Variants in RBM6 observed in about 807,000 individuals in gnomAD.
RBM6 encodes RNA binding motif protein 6, also known as RNA-binding protein 6.
A neutral mutation model predicts 140.4 loss-of-function variants in RBM6; 23 were observed. The ratio of observed to expected loss-of-function variants is 0.16; its 90% confidence interval spans 0.12 to 0.23. RBM6 has a LOEUF of 0.23. Among genes scored for constraint, RBM6 ranks in the 10% least tolerant of loss-of-function variants. The pLI is 1.00. For missense variants in RBM6, 1,139 were observed against 1,386.7 expected (o/e 0.82, Z 2.84); for synonymous variants, 439 against 475.6 (o/e 0.92, Z 1.00).
At chr3:49,952,845 G>C (rs1013365407) in intron 1 of RBM6, among the ~76,000 whole-genome samples, 13 of 151,992 alleles carry the variant, frequency 8.6e-5, no homozygotes, top group African/African-American at 2.9e-4. Flanking sequence ...ATATATTTTA[G>C]ATACAAGTCA....
At chr3:50,055,659 A>G (rs1181334292) in intron 8 of RBM6, among the ~76,000 whole-genome samples, 1 of 152,198 alleles carries the variant, frequency 6.6e-6, no homozygotes, top group African/African-American at 2.4e-5. Flanking sequence ...TCCCACTCCT[A>G]CTTCTTTGAA....
intron 6 of RBM6, among the ~76,000 whole-genome samples, chr3:50,029,946 C>G (rs2088054398): frequency 6.6e-6 from 1 of 150,958 alleles, no homozygotes; most frequent in Non-Finnish European, 1.5e-5. Flanking sequence ...GGAAGGATCT[C>G]TTGAACCCAA....
intron 5 of RBM6, among the ~76,000 whole-genome samples, chr3:49,984,636 GCATCGCATCGCATCGCA>G (rs2085475207): frequency 1.6e-5 from 1 of 61,060 alleles, no homozygotes; most frequent in Non-Finnish European, 5.9e-5. Context: ...GCATCGCATC[GCATCGCATCGCATCGCA>G]TCGCATCGCA....
chr3:50,047,304 CT>C (rs2089268721), intron 6 of RBM6: 1 of 985,230 alleles, frequency 1.0e-6, no homozygotes, highest in Non-Finnish European at 1.2e-6. Context: ...AGCGCAGGGG[CT>C]AGTTCCAGAG....
At chr3:49,987,101 C>G (rs1357186712) in intron 5 of RBM6, among the ~76,000 whole-genome samples, 5 of 151,420 alleles carry the variant, frequency 3.3e-5, no homozygotes, top group African/African-American at 9.7e-5. Flanking sequence ...GGGACAGAGT[C>G]TCTCTCTGTC....
chr3:50,049,625 T>C (rs564830364), intron 7 of RBM6, among the ~76,000 whole-genome samples: 26 of 152,292 alleles, frequency 1.7e-4, no homozygotes, highest in Non-Finnish European at 2.8e-4. Context: ...TTAGTCTCGG[T>C]AGAATACAAC....
intron 1 of RBM6, among the ~76,000 whole-genome samples, chr3:49,949,519 A>G (rs2083640184): frequency 6.6e-6 from 1 of 152,044 alleles, no homozygotes; most frequent in South Asian, 2.1e-4. Context: ...CAGCCTCCCG[A>G]GTAGCTGGGA....
intron 1 of RBM6, among the ~76,000 whole-genome samples, chr3:49,952,786 C>T (rs2083797750): frequency 6.6e-6 from 1 of 152,198 alleles, no homozygotes; most frequent in African/African-American, 2.4e-5. Flanking sequence ...GCGTGTGCCA[C>T]TGCTCCTGGC....
intron 5 of RBM6, among the ~76,000 whole-genome samples, chr3:49,985,276 C>G (rs1404401617): frequency 6.6e-6 from 1 of 152,180 alleles, no homozygotes; most frequent in South Asian, 2.1e-4. Flanking sequence ...TATACAATTA[C>G]CTTAAATGAG....
At chr3:50,041,239 A>C (rs1372919008) in intron 6 of RBM6, among the ~76,000 whole-genome samples, 1 of 152,166 alleles carries the variant, frequency 6.6e-6, no homozygotes, top group African/African-American at 2.4e-5. Context: ...TTGTGTTTTC[A>C]CTGGAAGTCC....
intron 20 of RBM6, among the ~76,000 whole-genome samples, 200 bp from the exon 21 acceptor site, chr3:50,076,808 C>T (rs1193196343): frequency 1.3e-5 from 2 of 151,772 alleles, no homozygotes; most frequent in Admixed American, 1.3e-4. Flanking sequence ...TTGCTTGAAC[C>T]GGGGAGGCAG....
At chr3:49,992,728 A>T (rs1206694741) in intron 5 of RBM6, among the ~76,000 whole-genome samples, 2 of 152,180 alleles carry the variant, frequency 1.3e-5, no homozygotes, top group African/African-American at 2.4e-5. Context: ...ATATTATGCT[A>T]GGTTTAGGGA....
At chr3:49,950,257 A>C (rs2083676849) in intron 1 of RBM6, among the ~76,000 whole-genome samples, 1 of 152,098 alleles carries the variant, frequency 6.6e-6, no homozygotes, top group Non-Finnish European at 1.5e-5. Flanking sequence ...AAGAGTGTTT[A>C]AAGCAGGATC....
At chr3:50,027,119 G>A (rs1164653462) in intron 6 of RBM6, among the ~76,000 whole-genome samples, 3 of 152,064 alleles carry the variant, frequency 2.0e-5, no homozygotes, top group Non-Finnish European at 4.4e-5. Context: ...GATGTGATAA[G>A]GAGGATGAGT....
chr3:49,973,705 C>A (rs1158361633), intron 4 of RBM6, among the ~76,000 whole-genome samples: 1 of 149,902 alleles, frequency 6.7e-6, no homozygotes, highest in Admixed American at 6.7e-5. Flanking sequence ...CCTGCCTCAG[C>A]CTCCCAAGTA....
Position 49,954,269 on chromosome 3 carries a change from C to G in RBM6, c.-66-8307C>G, listed in dbSNP as rs557128235. ...CCTGGCCAACATGGTGAAACCCCGT[C>G]TCCACTAAAAAAATACAAAAATTAG... On this transcript the variant is annotated intron_variant, in intron 1 of 20. Coordinates refer to ENST00000266022, the MANE Select transcript of RBM6 (RefSeq NM_005777.3). 3.3e-5 allele frequency among the ~76,000 whole-genome samples: 5 copies of G among 151,902 alleles called. 1 individual carries two copies. The highest frequency in any genetic ancestry group is 2.0e-4 in the Admixed American group (3 of 15,226).
At chr3:50,053,616 C>T (rs1246261323) in intron 7 of RBM6, among the ~76,000 whole-genome samples, 1 of 152,122 alleles carries the variant, frequency 6.6e-6, no homozygotes, top group Admixed American at 6.6e-5. Flanking sequence ...TTTACTCGCC[C>T]TATAAGGCCC....
chr3:50,047,321 T>C (rs1200428828), intron 6 of RBM6: 1 of 985,294 alleles, frequency 1.0e-6, no homozygotes, highest in African/African-American at 1.7e-5. Context: ...CAGAGTCGCA[T>C]TCTCGGTTAG....
rs140810124 is a variant in RBM6 at position 50,011,258 on chromosome 3, G to T, written c.1557+11745G>T. The stretch of plus-strand genomic sequence containing the variant: ...GGCATGAAGAATTTTTTTGCTAATG[G>T]TATCTACTTACCACAGAGGAACATT... On this transcript the variant is annotated intron_variant, in intron 6 of 20. Transcript: ENST00000266022. Among the ~76,000 whole-genome samples, 713 of 151,848 alleles carry T rather than the reference G, an allele frequency of 4.7e-3. 9 individuals are homozygous for T. The highest frequency in any genetic ancestry group is 0.016 in the African/African-American group (650 of 41,418).
Sources: gnomAD v4.1 joint callset for allele counts (sites outside exome capture counted in the v4.1 genomes callset) on GRCh38, gnomAD v4.1.1 for gene constraint, MANE v1.5 for transcripts, NCBI Gene and HGNC (gene_info 2026-07-23, HGNC 2026-07-21) for gene names.